The following PIK3C2G variants were observed in gnomAD, a reference collection of about 807,000 sequenced individuals.
PIK3C2G encodes the protein phosphatidylinositol 3-kinase C2 domain-containing subunit gamma.
Under a neutral mutation model 181.1 loss-of-function variants are expected in PIK3C2G, and 168 were observed. The ratio of observed to expected loss-of-function variants is 0.93; its 90% confidence interval spans 0.82 to 1.05. The LOEUF is 1.05. PIK3C2G is among the 50% of genes least tolerant of loss of function. PIK3C2G has a pLI of 0.00. For missense variants in PIK3C2G, 1,869 were observed against 1,732.8 expected (o/e 1.08, Z -1.40); for synonymous variants, 573 against 592.2 (o/e 0.97, Z 0.47).
chr12:18,534,186 A>C (rs983263519), intron 24 of PIK3C2G, among the ~76,000 whole-genome samples: 9 of 151,814 alleles, frequency 5.9e-5, no homozygotes, highest in African/African-American at 2.2e-4. Context: ...CTGGCCTCCG[A>C]TAATCCACCC....
the PIK3C2G span, among the ~76,000 whole-genome samples, chr12:18,684,770 G>A: frequency 1.3e-5 from 2 of 151,932 alleles, no homozygotes; most frequent in Non-Finnish European, 2.9e-5. Context: ...TAAGCTTTGT[G>A]CCCCCACCCA....
At chr12:18,337,456 C>T (rs1938637981) in intron 8 of PIK3C2G, among the ~76,000 whole-genome samples, 1 of 151,954 alleles carries the variant, frequency 6.6e-6, no homozygotes, top group African/African-American at 2.4e-5. Context: ...AAAGAAATAC[C>T]TGAGTCTGAG....
the PIK3C2G span, chr12:18,683,500 A>G: frequency 6.7e-7 from 1 of 1,492,548 alleles, no homozygotes; most frequent in East Asian, 2.5e-5. Context: ...TGCATTTTCT[A>G]TTCTGACTTC....
At chr12:18,521,965 T>A (rs535211715) in intron 24 of PIK3C2G, among the ~76,000 whole-genome samples, 1 of 152,314 alleles carries the variant, frequency 6.6e-6, no homozygotes, top group African/African-American at 2.4e-5. Flanking sequence ...CACGCTCACT[T>A]ACTGCCTCCC....
intron 18 of PIK3C2G, among the ~76,000 whole-genome samples, chr12:18,485,650 T>C (rs1292154136): frequency 6.6e-6 from 1 of 152,150 alleles, no homozygotes; most frequent in Non-Finnish European, 1.5e-5. Flanking sequence ...GACATTAGGG[T>C]AAACAGGTCT....
chr12:18,266,111 T>A (rs778032285), intron 1 of PIK3C2G, among the ~76,000 whole-genome samples: 1 of 151,580 alleles, frequency 6.6e-6, no homozygotes. Context: ...TTTATCATCA[T>A]TAGATGTCAG....
At chr12:18,456,882 T>C (rs751945049) in intron 18 of PIK3C2G, among the ~76,000 whole-genome samples, 6 of 152,202 alleles carry the variant, frequency 3.9e-5, no homozygotes, top group Non-Finnish European at 8.8e-5. Context: ...AATTTCTTTT[T>C]AGCTCCTGTA....
chr12:18,291,555 T>C (rs1465383015), intron 4 of PIK3C2G, among the ~76,000 whole-genome samples: 5 of 152,172 alleles, frequency 3.3e-5, no homozygotes, highest in Non-Finnish European at 7.4e-5. Context: ...TGAGGATTTT[T>C]ACTTTTCTAA....
chr12:18,412,342 T>G (rs1311761065), intron 16 of PIK3C2G, among the ~76,000 whole-genome samples: 1 of 152,162 alleles, frequency 6.6e-6, no homozygotes, highest in Non-Finnish European at 1.5e-5. Flanking sequence ...ACAGGGGTGT[T>G]ACAAGGCTAA....
At chr12:18,562,676 A>G in intron 26 of PIK3C2G, 27 bp from the exon 27 acceptor site, 3 of 1,365,716 alleles carry the variant, frequency 2.2e-6, no homozygotes, top group Non-Finnish European at 2.1e-6. Flanking sequence ...AGTGTCACTC[A>G]CTATCTTTTC....
chr12:18,284,970 T>C (rs895485305), intron 2 of PIK3C2G, among the ~76,000 whole-genome samples: 6 of 152,062 alleles, frequency 3.9e-5, no homozygotes, highest in African/African-American at 1.4e-4. Context: ...GAAATAATGG[T>C]CAGGAAATTA....
At chr12:18,247,803 C>T (rs992078960) in exon 1 of PIK3C2G, 1 of 152,182 alleles carries the variant, frequency 6.6e-6, no homozygotes, top group African/African-American at 2.4e-5. Flanking sequence ...TGCAAGCTCC[C>T]AGCTTGCTTC....
At chr12:18,686,847 G>A in the PIK3C2G span, among the ~76,000 whole-genome samples, 1 of 152,032 alleles carries the variant, frequency 6.6e-6, no homozygotes, top group Non-Finnish European at 1.5e-5. Context: ...CATAGCAGAG[G>A]CTCAGTAATG....
At chr12:18,446,095 C>T (rs1217612104) in intron 18 of PIK3C2G, among the ~76,000 whole-genome samples, 2 of 152,164 alleles carry the variant, frequency 1.3e-5, no homozygotes, top group Non-Finnish European at 2.9e-5. Context: ...TTGAGAGCAA[C>T]AGCAACAGAC....
chr12:18,585,228 A>G (rs536254114), intron 29 of PIK3C2G, among the ~76,000 whole-genome samples: 1 of 152,274 alleles, frequency 6.6e-6, no homozygotes, highest in African/African-American at 2.4e-5. Flanking sequence ...TAAATACCAC[A>G]TTTAAAAAGA....
chr12:18,406,931 CTTGAG>C (rs1474492813), intron 16 of PIK3C2G, among the ~76,000 whole-genome samples: 3 of 152,100 alleles, frequency 2.0e-5, no homozygotes, highest in Admixed American at 6.6e-5. Context: ...TTTGGAGTTT[CTTGAG>C]TTATTTCCAG....
At chr12:18,620,580 T>C (rs1429492938) in intron 31 of PIK3C2G, among the ~76,000 whole-genome samples, 2 of 148,210 alleles carry the variant, frequency 1.3e-5, no homozygotes, top group African/African-American at 2.5e-5. Context: ...GTAACCATAC[T>C]GTAGGGTGCA....
At chr12:18,652,724 T>C (rs1365804754), downstream of PIK3C2G, among the ~76,000 whole-genome samples, 2 of 152,160 alleles carry the variant, frequency 1.3e-5, no homozygotes, top group East Asian at 3.9e-4. Context: ...CATACAATGT[T>C]GCAAAGTTCC....
At chr12:18,692,008 G>T in the PIK3C2G span, among the ~76,000 whole-genome samples, 2 of 152,148 alleles carry the variant, frequency 1.3e-5, no homozygotes, top group African/African-American at 2.4e-5. Flanking sequence ...GTGGAGTGTA[G>T]CTTCCCAAAT....
Sources: gnomAD v4.1 joint callset for allele counts (sites outside exome capture counted in the v4.1 genomes callset) on GRCh38, gnomAD v4.1.1 for gene constraint, MANE v1.5 for transcripts, NCBI Gene and HGNC (gene_info 2026-07-23, HGNC 2026-07-21) for gene names.